The following LGSN variants were observed in gnomAD, a reference collection of about 807,000 sequenced individuals.
The protein encoded by LGSN is lengsin, lens protein with glutamine synthetase domain, also known as lengsin.
Under a neutral mutation model 19.5 loss-of-function variants are expected in LGSN, and 21 were observed. The ratio of observed to expected loss-of-function variants is 1.07; its 90% CI spans 0.76 to 1.55. The LOEUF is 1.55. Among genes scored for constraint, LGSN ranks in the 40% most tolerant of loss-of-function variants. The probability of loss-of-function intolerance (pLI) is 0.00; values close to 1 mark genes in which losing one functional copy is unlikely to be tolerated. For synonymous variants in LGSN, 257 were observed against 215.6 expected (o/e 1.19, Z -1.68); for missense variants, 673 against 608.5 (o/e 1.11, Z -1.12).
At chr6:63,500,451 C>T in the LGSN span, among the ~76,000 whole-genome samples, 1 of 151,740 alleles carries the variant, frequency 6.6e-6, no homozygotes, top group Admixed American at 6.6e-5. Flanking sequence ...GACGGAGTTT[C>T]ACTCTTGTTG....
the LGSN span, among the ~76,000 whole-genome samples, chr6:63,524,336 T>C: frequency 6.6e-6 from 1 of 152,138 alleles, no homozygotes; most frequent in African/African-American, 2.4e-5. Context: ...CTAGAGGATA[T>C]ATTAATGACA....
chr6:63,448,159 G>T, the LGSN span, among the ~76,000 whole-genome samples: 1 of 152,072 alleles, frequency 6.6e-6, no homozygotes, highest in Non-Finnish European at 1.5e-5. Context: ...AAACCTTCTG[G>T]ATAAAAGACA....
the LGSN span, among the ~76,000 whole-genome samples, chr6:63,425,165 C>G: frequency 1.3e-5 from 2 of 152,132 alleles, no homozygotes; most frequent in Admixed American, 1.3e-4. Context: ...TCACAGAAGG[C>G]TATTGAGAAT....
chr6:63,330,355 G>T, the LGSN span, among the ~76,000 whole-genome samples: 1 of 152,008 alleles, frequency 6.6e-6, no homozygotes. Flanking sequence ...TTCCTTTTGG[G>T]CCTGTTCCTC....
the LGSN span, among the ~76,000 whole-genome samples, chr6:63,418,628 C>A: frequency 6.6e-6 from 1 of 152,280 alleles, no homozygotes; most frequent in Non-Finnish European, 1.5e-5. Flanking sequence ...AGAAGGCGGA[C>A]TGGCTAGGAA....
the LGSN span, among the ~76,000 whole-genome samples, chr6:63,406,354 C>G: frequency 0.11 from 17,159 of 151,254 alleles, 1,959 homozygotes; most frequent in African/African-American, 0.3. Context: ...AATCAAACTA[C>G]AACTCAGGAT....
At chr6:63,349,588 T>C in the LGSN span, among the ~76,000 whole-genome samples, 6 of 152,162 alleles carry the variant, frequency 3.9e-5, no homozygotes, top group African/African-American at 1.4e-4. Context: ...ATTCAAACTA[T>C]GATTGCAATT....
At chr6:63,509,513 A>T in the LGSN span, among the ~76,000 whole-genome samples, 1 of 152,214 alleles carries the variant, frequency 6.6e-6, no homozygotes, top group Non-Finnish European at 1.5e-5. Flanking sequence ...ATCGACATTA[A>T]AATAAATATA....
the LGSN span, among the ~76,000 whole-genome samples, chr6:63,386,109 G>A: frequency 2.0e-5 from 3 of 152,122 alleles, no homozygotes; most frequent in Admixed American, 6.5e-5. Context: ...TTTATAAATT[G>A]CCAGAGATTT....
chr6:63,558,327 A>G, the LGSN span, among the ~76,000 whole-genome samples: 1 of 152,158 alleles, frequency 6.6e-6, no homozygotes, highest in Non-Finnish European at 1.5e-5. Context: ...GAAAGAAGGA[A>G]CAAATGAACA....
At chr6:63,567,117 G>A in the LGSN span, among the ~76,000 whole-genome samples, 2 of 152,082 alleles carry the variant, frequency 1.3e-5, no homozygotes, top group South Asian at 2.1e-4. Flanking sequence ...AGTCTTGAAC[G>A]CCCTCAAGGT....
At chr6:63,485,742 T>C in the LGSN span, among the ~76,000 whole-genome samples, 4 of 152,158 alleles carry the variant, frequency 2.6e-5, no homozygotes, top group Non-Finnish European at 5.9e-5. Context: ...TCTTTTTCTT[T>C]TTTTGAGACA....
chr6:63,395,170 A>C, the LGSN span: 3 of 152,474 alleles, frequency 2.0e-5, no homozygotes, highest in East Asian at 5.8e-4. Flanking sequence ...CCAGTTCTTA[A>C]GAATAGCATG....
At chr6:63,356,597 T>G in the LGSN span, among the ~76,000 whole-genome samples, 2 of 151,678 alleles carry the variant, frequency 1.3e-5, no homozygotes, top group Non-Finnish European at 2.9e-5. Context: ...GAAATAAAAG[T>G]AACAGTCAAG....
At chr6:63,296,341 T>C (rs528348960) in intron 1 of LGSN, among the ~76,000 whole-genome samples, 2 of 151,754 alleles carry the variant, frequency 1.3e-5, no homozygotes, top group African/African-American at 2.4e-5. Flanking sequence ...TTAATTTCAA[T>C]ACTTGCATAA....
At chr6:63,545,998 TATG>T in the LGSN span, among the ~76,000 whole-genome samples, 4 of 152,218 alleles carry the variant, frequency 2.6e-5, no homozygotes, top group Non-Finnish European at 5.9e-5. Flanking sequence ...AGAACTATTA[TATG>T]ATCCAGCAAT....
At chr6:63,409,573 C>A in the LGSN span, among the ~76,000 whole-genome samples, 2 of 152,106 alleles carry the variant, frequency 1.3e-5, no homozygotes, top group African/African-American at 4.8e-5. Flanking sequence ...TCAGCTCTGA[C>A]AGTTAATAGC....
chr6:63,319,994 G>A (rs776148425), upstream of LGSN: 4 of 1,339,210 alleles, frequency 3.0e-6, no homozygotes, highest in Non-Finnish European at 4.3e-6. Flanking sequence ...CTCAACAAAT[G>A]CATTCAACAT....
At chr6:63,354,415 G>A in the LGSN span, among the ~76,000 whole-genome samples, 1,384 of 152,190 alleles carry the variant, frequency 9.1e-3, 23 homozygotes, top group African/African-American at 0.031. Flanking sequence ...AATCATCAGG[G>A]AAATGTAAAT....
Sources: allele counts gnomAD v4.1 joint callset (sites outside exome capture counted in the v4.1 genomes callset), GRCh38; gene constraint gnomAD v4.1.1; transcripts MANE v1.5; gene names NCBI Gene and HGNC (gene_info 2026-07-23, HGNC 2026-07-21).